Variants in NRG1 observed in about 807,000 individuals in gnomAD.
The protein encoded by NRG1 is pro-neuregulin-1, membrane-bound isoform.
Under a neutral mutation model 63.8 loss-of-function variants are expected in NRG1, and 18 were observed. The ratio of observed to expected loss-of-function variants is 0.28; its 90% CI spans 0.19 to 0.42. The LOEUF (loss-of-function observed/expected upper bound fraction) is 0.42, where lower values mean the gene tolerates loss of function less well. Among genes scored for constraint, NRG1 ranks in the 10% least tolerant of loss-of-function variants. The pLI, the probability that NRG1 is intolerant of heterozygous loss-of-function variation, is 1.00. For missense variants in NRG1, 762 were observed against 814.7 expected (o/e 0.94, Z 0.79); for synonymous variants, 302 against 301.3 (o/e 1.00, Z -0.02).
chr8:31,943,388 G>A (rs1381225031), intron 1 of NRG1, among the ~76,000 whole-genome samples: 1 of 152,118 alleles, frequency 6.6e-6, no homozygotes, highest in African/African-American at 2.4e-5. Flanking sequence ...TGCAGGGAAA[G>A]TTTGGGGACT....
intron 1 of NRG1, among the ~76,000 whole-genome samples, chr8:31,893,769 T>C (rs188729021): frequency 1.3e-5 from 2 of 152,082 alleles, no homozygotes; most frequent in East Asian, 3.9e-4. Flanking sequence ...ATGTGACTTA[T>C]AAAAATATAT....
At chr8:31,820,584 C>T (rs1823909826) in intron 1 of NRG1, among the ~76,000 whole-genome samples, 1 of 152,160 alleles carries the variant, frequency 6.6e-6, no homozygotes, top group Non-Finnish European at 1.5e-5. Context: ...AGAATTGTCT[C>T]TCAATCAATA....
intron 1 of NRG1, among the ~76,000 whole-genome samples, chr8:31,913,330 A>G (rs775212779): frequency 2.6e-5 from 4 of 152,176 alleles, no homozygotes; most frequent in Non-Finnish European, 5.9e-5. Context: ...GAAAAAGGGA[A>G]GGAAAAAGCA....
chr8:31,745,843 AAG>A (rs897879358), intron 1 of NRG1, among the ~76,000 whole-genome samples: 1 of 151,914 alleles, frequency 6.6e-6, no homozygotes, highest in African/African-American at 2.4e-5. Context: ...AGAAGGGAGA[AAG>A]AGAGAGGAAT....
At chr8:32,154,495 C>G (rs1837846371) in intron 1 of NRG1, among the ~76,000 whole-genome samples, 1 of 152,082 alleles carries the variant, frequency 6.6e-6, no homozygotes, top group South Asian at 2.1e-4. Context: ...CCAGTACCTT[C>G]CTTTCTTTTC....
At chr8:32,365,831 T>C (rs945631100) in intron 1 of NRG1, among the ~76,000 whole-genome samples, 8 of 152,216 alleles carry the variant, frequency 5.3e-5, no homozygotes, top group Non-Finnish European at 8.8e-5. Context: ...TACTTAATTA[T>C]TCTAACAAAA....
intron 1 of NRG1, among the ~76,000 whole-genome samples, chr8:32,271,348 A>C (rs1451548564): frequency 1.3e-5 from 2 of 152,202 alleles, no homozygotes; most frequent in Non-Finnish European, 2.9e-5. Flanking sequence ...AAGAAATCAA[A>C]GTATGAGAAC....
At chr8:31,909,726 T>C (rs1207586816) in intron 1 of NRG1, among the ~76,000 whole-genome samples, 1 of 152,192 alleles carries the variant, frequency 6.6e-6, no homozygotes. Flanking sequence ...TGGGTGGCAG[T>C]TGCTTTTAGA....
chr8:32,042,040 A>G (rs866419553), intron 1 of NRG1, among the ~76,000 whole-genome samples: 7 of 152,316 alleles, frequency 4.6e-5, no homozygotes, highest in South Asian at 2.1e-4. Flanking sequence ...GAAAATGCAA[A>G]TGATATTAAA....
intron 1 of NRG1, among the ~76,000 whole-genome samples, chr8:31,885,295 G>A (rs1830635500): frequency 6.6e-6 from 1 of 152,048 alleles, no homozygotes; most frequent in Non-Finnish European, 1.5e-5. Context: ...TAAATGAATA[G>A]TTACTGGAGG....
intron 1 of NRG1, among the ~76,000 whole-genome samples, chr8:32,168,396 C>T (rs1839633937): frequency 6.6e-6 from 1 of 152,130 alleles, no homozygotes; most frequent in South Asian, 2.1e-4. Flanking sequence ...TGCATGTTCT[C>T]AATGGTATTG....
At chr8:32,138,504 A>T (rs1369149921) in intron 1 of NRG1, among the ~76,000 whole-genome samples, 2 of 151,896 alleles carry the variant, frequency 1.3e-5, no homozygotes, top group Non-Finnish European at 2.9e-5. Flanking sequence ...GGTATGCACA[A>T]TTCTGCTGGC....
intron 1 of NRG1, among the ~76,000 whole-genome samples, chr8:32,367,285 C>G (rs368035671): frequency 2.6e-5 from 4 of 152,158 alleles, no homozygotes; most frequent in South Asian, 4.2e-4. Flanking sequence ...TTTCCTTTTT[C>G]CACATCCTCA....
chr8:32,277,641 G>T lies in NRG1; in HGVS notation c.38-318187G>T, dbSNP rs143501997. Among the ~76,000 whole-genome samples the T allele has an allele frequency of 8.7e-4, 132 of 152,130 alleles. 4 individuals carry two copies. Among genetic ancestry groups the T allele is most frequent in the African/African-American group, 3.0e-3 (125 of 41,492 alleles). ...ATGGTTCTTAACCAGGGGTGATTTT[G>T]CCCCCCATCAAGGGATATTTAACAA... On this transcript the variant is annotated intron_variant, in intron 1 of 10. Coordinates refer to the NRG1 transcript ENST00000519301.
chr8:31,803,395 C>T (rs917889176), intron 1 of NRG1, among the ~76,000 whole-genome samples: 1 of 152,038 alleles, frequency 6.6e-6, no homozygotes, highest in African/African-American at 2.4e-5. Context: ...TAGTGGAATC[C>T]CTGTTTTCTA....
intron 1 of NRG1, among the ~76,000 whole-genome samples, chr8:32,279,284 G>A (rs945430492): frequency 6.6e-6 from 1 of 152,188 alleles, no homozygotes; most frequent in Non-Finnish European, 1.5e-5. Flanking sequence ...TCCTGCAAGA[G>A]TCCTGTGGCA....
chr8:32,287,496 C>T (rs1396720913), intron 1 of NRG1: 8 of 152,208 alleles, frequency 5.3e-5, no homozygotes. Flanking sequence ...TCTTAAAACT[C>T]AGTCATCTTT....
At chr8:32,748,339 G>GCGCGCACACA (rs1207515428) in intron 7 of NRG1, among the ~76,000 whole-genome samples, 181 of 128,386 alleles carry the variant, frequency 1.4e-3, no homozygotes, top group Non-Finnish European at 1.6e-3. Context: ...GCGCGCGCGC[G>GCGCGCACACA]CACACACACA....
intron 1 of NRG1, among the ~76,000 whole-genome samples, chr8:32,042,493 T>TCTAGC (rs1437849887): frequency 1.3e-5 from 2 of 151,662 alleles, no homozygotes; most frequent in African/African-American, 4.8e-5. Flanking sequence ...ATTCAGTAAG[T>TCTAGC]CTAGCATATA....
Sources: gnomAD v4.1 joint callset for allele counts (sites outside exome capture counted in the v4.1 genomes callset) on GRCh38, gnomAD v4.1.1 for gene constraint, MANE v1.5 for transcripts, NCBI Gene and HGNC (gene_info 2026-07-23, HGNC 2026-07-21) for gene names.